Variants in GPC6 observed in about 807,000 individuals in gnomAD.
GPC6 encodes the protein glypican-6.
In GPC6, 14 loss-of-function variants were observed where a neutral mutation model predicts 55.2. The observed-to-expected ratio is 0.25, with a 90% CI of 0.17 to 0.40. GPC6 has a LOEUF of 0.40. Ranked by LOEUF, GPC6 falls within the 10% of genes least tolerant of loss-of-function variation. The pLI is 1.00. For missense variants in GPC6, 641 were observed against 708.5 expected, an observed-to-expected ratio of 0.90 and a Z score of 1.08; for synonymous variants, 278 against 259.6, an observed-to-expected ratio of 1.07 and a Z score of -0.68.
chr13:93,716,505 TA>T (rs940137853), intron 2 of GPC6, among the ~76,000 whole-genome samples: 33 of 149,698 alleles, frequency 2.2e-4, no homozygotes, highest in African/African-American at 7.4e-4. Context: ...AATTAAAATG[TA>T]AAAAAAAAGG....
Position 93,895,925 on chromosome 13 carries a change from G to T in GPC6, c.711+65380G>T, listed in dbSNP as rs79847922. Among the ~76,000 whole-genome samples the T allele has an allele frequency of 4.1e-3, 627 of 152,108 alleles. 5 individuals are homozygous for T. The highest frequency in any genetic ancestry group is 0.014 in the African/African-American group (601 of 41,536). On this transcript the variant is annotated intron_variant, in intron 3 of 8. Coordinates refer to ENST00000377047, the MANE Select transcript of GPC6 (RefSeq NM_005708.5). ...GGAATACAGCGGGGTTGGTTTAAGGGTACAAAAGTCCAGTTAGATAGAACA... is the reference window on the plus strand; with the variant it reads ...GGAATACAGCGGGGTTGGTTTAAGGTTACAAAAGTCCAGTTAGATAGAACA...
chr13:94,266,036 T>G (rs898256240), intron 4 of GPC6, among the ~76,000 whole-genome samples: 1 of 152,220 alleles, frequency 6.6e-6, no homozygotes, highest in Non-Finnish European at 1.5e-5. Context: ...ATGTTTCCGC[T>G]AGGTGTCTAA....
chr13:93,540,081 T>C (rs1012650695), intron 1 of GPC6, among the ~76,000 whole-genome samples: 1 of 152,144 alleles, frequency 6.6e-6, no homozygotes, highest in Non-Finnish European at 1.5e-5. Flanking sequence ...TTTTTTGTGG[T>C]CTCAGAGTAG....
chr13:93,414,938 A>C (rs78319302), intron 1 of GPC6, among the ~76,000 whole-genome samples: 2,626 of 152,280 alleles, frequency 0.017, 88 homozygotes, highest in African/African-American at 0.06. Flanking sequence ...TGAAGTAGAA[A>C]ATTTAAATGT....
At chr13:93,407,483 A>G (rs1203374946) in intron 1 of GPC6, among the ~76,000 whole-genome samples, 1 of 152,172 alleles carries the variant, frequency 6.6e-6, no homozygotes, top group African/African-American at 2.4e-5. Flanking sequence ...CAAATATCTG[A>G]TTAAATTCTA....
chr13:94,116,532 T>C lies in GPC6; in HGVS notation c.877+88638T>C, dbSNP rs114719876. ...CTTTTATGGTTAATAAATATGACCA[T>C]GTATGGCTGTCCAAAGCCCTTGGTT... On this transcript the variant is annotated intron_variant, in intron 4 of 8. Coordinates refer to ENST00000377047, the MANE Select transcript of GPC6 (RefSeq NM_005708.5). 3.7e-3 allele frequency among the ~76,000 whole-genome samples: 567 copies of C among 152,218 alleles called. 3 individuals carry two copies. The highest frequency in any genetic ancestry group is 0.013 in the African/African-American group (530 of 41,566).
chr13:93,349,303 C>T lies in GPC6; in HGVS notation c.160+121687C>T, dbSNP rs1880544935. Reference sequence around the variant, plus strand: ...AGTAACTAAGTTGTATCATTGATGACATGCCATGAAGATTTTCAAGAATCT... The same window carrying T: ...AGTAACTAAGTTGTATCATTGATGATATGCCATGAAGATTTTCAAGAATCT... On this transcript the variant is annotated intron_variant, in intron 1 of 8. Transcript: ENST00000377047. 3.9e-5 allele frequency among the ~76,000 whole-genome samples: 6 copies of T among 152,060 alleles called. No individual in the cohort carries two copies. In the South Asian group the frequency reaches 1.2e-3, roughly 32 times the overall value.
chr13:93,462,446 A>G (rs775643875), intron 1 of GPC6, among the ~76,000 whole-genome samples: 7 of 152,178 alleles, frequency 4.6e-5, no homozygotes, highest in Admixed American at 2.6e-4. Flanking sequence ...GACTTGAATT[A>G]CTTTCCTCCA....
chr13:93,419,318 G>A (rs1403713310), intron 1 of GPC6, among the ~76,000 whole-genome samples: 1 of 151,748 alleles, frequency 6.6e-6, no homozygotes, highest in Non-Finnish European at 1.5e-5. Flanking sequence ...CTTTGAGTGT[G>A]TGTCTTTGAG....
intron 1 of GPC6, among the ~76,000 whole-genome samples, chr13:93,340,772 C>T (rs1474214757): frequency 6.6e-6 from 1 of 150,714 alleles, no homozygotes; most frequent in African/African-American, 2.5e-5. Flanking sequence ...TATGAACCAT[C>T]GTGAAGATTT....
chr13:94,095,799 T>G (rs768726146), intron 4 of GPC6, among the ~76,000 whole-genome samples: 3 of 152,152 alleles, frequency 2.0e-5, no homozygotes, highest in Non-Finnish European at 2.9e-5. Flanking sequence ...CAGTAATGCA[T>G]TAAATTGAAA....
intron 2 of GPC6, among the ~76,000 whole-genome samples, chr13:93,744,528 CTT>C (rs71736430): frequency 1.7e-3 from 163 of 97,214 alleles, no homozygotes; most frequent in African/African-American, 7.1e-3. Flanking sequence ...TTTCCCTAGT[CTT>C]TTTTTTTTTT....
intron 4 of GPC6, among the ~76,000 whole-genome samples, chr13:94,119,884 G>A (rs962912127): frequency 6.6e-6 from 1 of 152,078 alleles, no homozygotes; most frequent in Non-Finnish European, 1.5e-5. Flanking sequence ...AGACTAAGCA[G>A]GACGTTGCTG....
intron 2 of GPC6, among the ~76,000 whole-genome samples, chr13:93,670,661 T>C (rs1881322522): frequency 6.6e-6 from 1 of 152,172 alleles, no homozygotes; most frequent in East Asian, 1.9e-4. Flanking sequence ...ATATTTTAAA[T>C]ATATTGTAAT....
chr13:94,405,285 A>C lies in GPC6; in HGVS notation c.*2068A>C, dbSNP rs925356906. 3.3e-5 allele frequency: 5 copies of C among 152,190 alleles called. No homozygotes were observed. The highest frequency in any genetic ancestry group is 2.6e-4 in the Admixed American group (4 of 15,280). The allele number at this position is 152,190 out of a possible 1,614,324, so 9.4% of individuals were successfully genotyped here. A position where few individuals can be genotyped will look rare whatever the true frequency, so the allele number is the denominator to read the frequency against. On this transcript the variant is annotated 3_prime_UTR_variant, in exon 9 of 9. Transcript: ENST00000377047. ...AGTTCATCATTACATACTCCTAGAA[A>C]ACCATCCATTTCACTGCCCACATTT... is the stretch of plus-strand genomic sequence containing the variant.
At chr13:94,172,356 AT>A (rs1252446974) in intron 4 of GPC6, among the ~76,000 whole-genome samples, 2 of 152,190 alleles carry the variant, frequency 1.3e-5, no homozygotes, top group African/African-American at 4.8e-5. Flanking sequence ...GAGTGATCTT[AT>A]TCAGTATATT....
chr13:93,771,430 C>T (rs1885290223), intron 2 of GPC6, among the ~76,000 whole-genome samples: 1 of 152,086 alleles, frequency 6.6e-6, no homozygotes, highest in Non-Finnish European at 1.5e-5. Flanking sequence ...TCTCTCATCG[C>T]ATCTCATTTG....
chr13:93,955,655 T>C (rs1038272909), intron 3 of GPC6, among the ~76,000 whole-genome samples: 1 of 152,178 alleles, frequency 6.6e-6, no homozygotes, highest in Admixed American at 6.5e-5. Flanking sequence ...ACAGGAATGC[T>C]GAGATGCTGG....
In GPC6 at chr13:93,944,880, C is replaced by A. The variant is rs116731382; in HGVS notation, c.712-82849C>A. On this transcript the variant is annotated intron_variant, in intron 3 of 8. Transcript: ENST00000377047. ...TCCTCAAAGTTATCATCGATGGGGA[C>A]ACTTAAATGTTAATTTCTTGGTGTG... Among the ~76,000 whole-genome samples the A allele has an allele frequency of 6.9e-3, 1,049 of 152,164 alleles. 14 individuals carry two copies. Among genetic ancestry groups the A allele is most frequent in the African/African-American group, 0.024 (1,005 of 41,514 alleles).
Sources: gnomAD v4.1 joint callset for allele counts (sites outside exome capture counted in the v4.1 genomes callset) on GRCh38, gnomAD v4.1.1 for gene constraint, MANE v1.5 for transcripts, NCBI Gene and HGNC (gene_info 2026-07-23, HGNC 2026-07-21) for gene names.